The following TRIM49C variants were observed in gnomAD, a reference collection of about 807,000 sequenced individuals.
TRIM49C encodes the protein tripartite motif-containing protein 49C.
A neutral mutation model predicts 21.4 loss-of-function variants in TRIM49C; 6 were observed. The observed-to-expected ratio is 0.28, with a 90% CI of 0.15 to 0.55. The LOEUF (loss-of-function observed/expected upper bound fraction) is 0.55. Among genes scored for constraint, TRIM49C ranks in the 20% least tolerant of loss-of-function variants. TRIM49C has a pLI of 0.94. For synonymous variants in TRIM49C, 57 were observed against 148.1 expected, an observed-to-expected ratio of 0.38 and a Z score of 4.47; for missense variants, 161 against 442.4, an observed-to-expected ratio of 0.36 and a Z score of 5.71.
the TRIM49C span, among the ~76,000 whole-genome samples, chr11:90,054,407 G>A: frequency 7.3e-6 from 1 of 136,300 alleles, no homozygotes; most frequent in Non-Finnish European, 1.6e-5. Context: ...CCATTCAAGA[G>A]GTGATTTTAT....
At chr11:90,046,216 T>C (rs1950800574), downstream of TRIM49C, among the ~76,000 whole-genome samples, 2 of 126,156 alleles carry the variant, frequency 1.6e-5, 1 homozygote, top group African/African-American at 6.4e-5. Context: ...TCGATGTTCA[T>C]CAGGGATATT....
chr11:90,041,129 G>C lies in TRIM49C; in HGVS notation c.938G>C (p.Cys313Ser), dbSNP rs1184473904. 6.3e-7 allele frequency: 1 copy of C among 1,593,406 alleles called. No homozygotes were observed. Among genetic ancestry groups the C allele is most frequent in the African/African-American group, 1.4e-5 (1 of 72,396 alleles). Residue 313 changes from cysteine (C) to serine (S), a missense_variant, in exon 8 of 8, where the codon TGT (cysteine) becomes TCT (serine). By Grantham distance (112) the Cys-to-Ser change is moderately radical. Coordinates refer to ENST00000448984, the MANE Select transcript of TRIM49C (RefSeq NM_001195234.1). ...ATTTTGAGAAGCATGTGTATTGGAT[G>C]TGACCATCAAGATGTACCCTATTTC... ...YEILRSMCIG[C>S]DHQDVPYFTA...
chr11:90,046,388 AG>A (rs1337295096), downstream of TRIM49C, among the ~76,000 whole-genome samples: 1 of 127,044 alleles, frequency 7.9e-6, no homozygotes, highest in Non-Finnish European at 1.6e-5. Context: ...AGTAGAAGTC[AG>A]CTGTGAATCC....
chr11:90,039,818 T>C (rs1391556892), intron 6 of TRIM49C, 47 bp from the exon 7 acceptor site: 1 of 1,257,144 alleles, frequency 8.0e-7, no homozygotes, highest in Non-Finnish European at 1.1e-6. Flanking sequence ...GTGATTTTTA[T>C]TTATTTTATG....
chr11:90,073,250 G>C, the TRIM49C span: 3 of 1,028,912 alleles, frequency 2.9e-6, 1 homozygote, highest in East Asian at 5.4e-5. Context: ...GAAACCTCTG[G>C]TCCGAGTTGG....
the TRIM49C span, among the ~76,000 whole-genome samples, chr11:90,062,218 T>C: frequency 2.9e-5 from 4 of 137,386 alleles, 1 homozygote; most frequent in Non-Finnish European, 6.2e-5. Context: ...AATTTGGATG[T>C]GAAAAATGAT....
the TRIM49C span, chr11:90,071,908 T>C: frequency 2.0e-6 from 1 of 492,000 alleles, no homozygotes. Flanking sequence ...AGTCTGTGAA[T>C]AGGTATTTAC....
At chr11:90,066,723 A>G in the TRIM49C span, among the ~76,000 whole-genome samples, 1 of 127,772 alleles carries the variant, frequency 7.8e-6, no homozygotes, top group South Asian at 2.8e-4. Flanking sequence ...TTATGTATTC[A>G]TATTTTAAAA....
rs1210245776 is a variant in TRIM49C at position 90,039,199 on chromosome 11, G to A, written c.761+484G>A. Among the ~76,000 whole-genome samples, 7 of 133,142 alleles carry A rather than the reference G, an allele frequency of 5.3e-5. 1 individual carries two copies. Among genetic ancestry groups the A allele is most frequent in the Non-Finnish European group, 8.0e-5 (5 of 62,366 alleles). The allele number at this position is 133,142 out of a possible 152,430, so 87.3% of individuals were successfully genotyped here. ...CTCCCAAAGTGCTGGGATTACAGGC[G>A]TGAACCACCGTGCCCGGCCCCTGAT... On this transcript the variant is annotated intron_variant, in intron 6 of 7. Coordinates refer to ENST00000448984, the MANE Select transcript of TRIM49C (RefSeq NM_001195234.1).
the TRIM49C span, among the ~76,000 whole-genome samples, chr11:90,067,713 A>G: frequency 7.1e-4 from 100 of 140,338 alleles, 9 homozygotes; most frequent in South Asian, 0.015. Flanking sequence ...ATTAACGCAT[A>G]TTTTATATGT....
the TRIM49C span, among the ~76,000 whole-genome samples, chr11:90,072,248 G>A: frequency 2.1e-5 from 3 of 145,254 alleles, no homozygotes; most frequent in Non-Finnish European, 3.0e-5. Flanking sequence ...AAGCATACAC[G>A]AGTAACTTAT....
the TRIM49C span, among the ~76,000 whole-genome samples, chr11:90,054,656 G>A: frequency 0.17 from 16,943 of 97,352 alleles, 1,647 homozygotes; most frequent in African/African-American, 0.3. Flanking sequence ...GTTCTTAGTG[G>A]TCTCTCTGAT....
At chr11:90,031,686 G>A (rs1950688827) in intron 1 of TRIM49C, among the ~76,000 whole-genome samples, 1 of 151,472 alleles carries the variant, frequency 6.6e-6, no homozygotes, top group East Asian at 1.9e-4. Flanking sequence ...TGAGACTGGT[G>A]AAGTTTTGTA....
chr11:90,036,959 A>C lies in TRIM49C; in HGVS notation c.508-790A>C. On this transcript the variant is annotated intron_variant, in intron 4 of 7. Coordinates refer to ENST00000448984, the MANE Select transcript of TRIM49C (RefSeq NM_001195234.1). ...TGGTCAGAAAAAAGACTCACTGAAA[A>C]ATTCAAATTGAAACAAAGTTTTCAA... Among the ~76,000 whole-genome samples the C allele has an allele frequency of 1.5e-5, 2 of 134,732 alleles. 1 individual carries two copies. 88.4% of individuals were successfully genotyped at this position (134,732 alleles called of 152,430 possible). A position where few individuals can be genotyped will look rare whatever the true frequency, so the allele number is the denominator to read the frequency against.
the TRIM49C span, chr11:90,063,057 G>T: frequency 1.3e-5 from 18 of 1,401,472 alleles, 2 homozygotes; most frequent in Non-Finnish European, 1.7e-5. Context: ...TATTTACCCC[G>T]ATGAAAAGGA....
chr11:90,038,477 A>G (rs374748109), intron 5 of TRIM49C, among the ~76,000 whole-genome samples: 6,061 of 131,072 alleles, frequency 0.046, 915 homozygotes, highest in Non-Finnish European at 0.067. Flanking sequence ...ACTTCTTTAG[A>G]GAATGTCTTC....
At chr11:90,038,663 C>T (rs1950744162) in intron 5 of TRIM49C, 30 bp from the exon 6 acceptor site, 1 of 914,920 alleles carries the variant, frequency 1.1e-6, no homozygotes. Flanking sequence ...GTGAAATGCA[C>T]TAAATCTTTC....
downstream of TRIM49C, among the ~76,000 whole-genome samples, chr11:90,043,246 G>C (rs659929): frequency 6.3e-5 from 9 of 142,494 alleles, 1 homozygote; most frequent in South Asian, 2.4e-4. Flanking sequence ...GCAACACAGT[G>C]AGACCTCATG....
the TRIM49C span, chr11:90,062,201 T>C: frequency 2.2e-6 from 1 of 447,162 alleles, no homozygotes; most frequent in Admixed American, 4.6e-5. Flanking sequence ...ACGAATATGA[T>C]TCTAATAATT....
Sources: gnomAD v4.1 joint callset for allele counts (sites outside exome capture counted in the v4.1 genomes callset) on GRCh38, gnomAD v4.1.1 for gene constraint, MANE v1.5 for transcripts, NCBI Gene and HGNC (gene_info 2026-07-23, HGNC 2026-07-21) for gene names.